Variants in TPGS2 observed in about 807,000 individuals in gnomAD.
TPGS2 encodes tubulin polyglutamylase complex subunit 2.
In TPGS2, 26 loss-of-function variants were observed where a neutral mutation model predicts 31.1. The observed-to-expected ratio is 0.84, with a 90% CI of 0.61 to 1.16. The LOEUF (loss-of-function observed/expected upper bound fraction) is 1.16, where lower values mean the gene tolerates loss of function less well. Ranked by LOEUF, TPGS2 falls within the 50% of genes most tolerant of loss-of-function variation. The pLI is 0.00. For missense variants in TPGS2, 351 were observed against 363.8 expected, an observed-to-expected ratio of 0.96 and a Z score of 0.29; for synonymous variants, 130 against 136.6, an observed-to-expected ratio of 0.95 and a Z score of 0.34.
chr18:36,799,555 C>T (rs1344738170), intron 5 of TPGS2, among the ~76,000 whole-genome samples: 3 of 152,188 alleles, frequency 2.0e-5, no homozygotes, highest in Non-Finnish European at 4.4e-5. Flanking sequence ...ATTCCTACCC[C>T]ACAGTTCAAG....
At chr18:36,825,895 G>C (rs1283417234) in intron 1 of TPGS2, among the ~76,000 whole-genome samples, 1 of 152,136 alleles carries the variant, frequency 6.6e-6, no homozygotes, top group Non-Finnish European at 1.5e-5. Flanking sequence ...GGGAGTAACA[G>C]ATTTTAACAA....
intron 1 of TPGS2, among the ~76,000 whole-genome samples, chr18:36,824,533 G>C (rs2046047477): frequency 6.6e-6 from 1 of 152,108 alleles, no homozygotes; most frequent in African/African-American, 2.4e-5. Context: ...ACCAACAATT[G>C]CTGTATCTGT....
rs377128960 is a variant in TPGS2 at position 36,823,756 on chromosome 18, G to A, written c.86-4783C>T. The stretch of plus-strand genomic sequence containing the variant: ...ATTACAGGCGTGAGCCACCGCGCCC[G>A]GCCAACAGCTTGTTTTAAAGGGCTT... On this transcript the variant is annotated intron_variant, in intron 1 of 6. Coordinates refer to ENST00000334295, the MANE Select transcript of TPGS2 (RefSeq NM_015476.4). 4.4e-5 allele frequency: 41 copies of A among 926,238 alleles called. No individual in the cohort carries two copies. The East Asian group carries it at 2.1e-3, about 48-fold the overall frequency. 57.4% of individuals were successfully genotyped at this position (926,238 alleles called of 1,614,324 possible).
intron 2 of TPGS2, among the ~76,000 whole-genome samples, chr18:36,816,117 G>C (rs1178169416): frequency 6.6e-6 from 1 of 152,298 alleles, no homozygotes; most frequent in East Asian, 1.9e-4. Flanking sequence ...TCTCCCAAAT[G>C]AATATGTCTG....
Position 36,828,708 on chromosome 18 carries a change from C to G in TPGS2, c.60G>C (p.Leu20=). The change falls in exon 1 of 7, where the codon CTG becomes CTC. Residue 20 remains leucine (L), a synonymous_variant. Coordinates refer to ENST00000334295, the MANE Select transcript of TPGS2 (RefSeq NM_015476.4). The part of the protein sequence containing the change: ...LGCSKPHLEK[L]TLGITRILES... ...CTAGGATGCGCGTGATGCCCAGGGT[C>G]AGCTTCTCCAGGTGCGGCTTGCTGC... 1 of 1,614,178 alleles carries G rather than the reference C, an allele frequency of 6.2e-7. No homozygotes were observed. The highest frequency in any genetic ancestry group is 1.1e-5 in the South Asian group (1 of 91,082).
At chr18:36,819,363 T>A (rs1168772042) in intron 1 of TPGS2, among the ~76,000 whole-genome samples, 1 of 152,204 alleles carries the variant, frequency 6.6e-6, no homozygotes, top group Non-Finnish European at 1.5e-5. Flanking sequence ...TTATAAGACA[T>A]AAAACTTGCT....
intron 6 of TPGS2, among the ~76,000 whole-genome samples, chr18:36,784,527 CCATT>C (rs1490987954): frequency 1.3e-5 from 2 of 152,204 alleles, no homozygotes; most frequent in Non-Finnish European, 2.9e-5. Context: ...TTAAAATGCA[CCATT>C]CAGTTTGTCA....
chr18:36,792,239 G>A (rs1022543524), downstream of TPGS2, among the ~76,000 whole-genome samples: 1 of 152,104 alleles, frequency 6.6e-6, no homozygotes. Flanking sequence ...ACATAAAGCA[G>A]TGTAGTGTAA....
At position 36,828,931 on chromosome 18, in the gene TPGS2, C is replaced by T; in HGVS notation, c.-164G>A. 3.1e-6 allele frequency: 3 copies of T among 982,640 alleles called. No individual in the cohort carries two copies. Among genetic ancestry groups the T allele is most frequent in the East Asian group, 5.6e-5 (2 of 35,476 alleles). The allele number at this position is 982,640 out of a possible 1,614,324, so 60.9% of individuals were successfully genotyped here. A position where few individuals can be genotyped will look rare whatever the true frequency, so the allele number is the denominator to read the frequency against. On this transcript the variant is annotated 5_prime_UTR_variant, in exon 1 of 7. Transcript: ENST00000334295. ...GGGGTTGGTCTGACAGCAGCAGCTCCGTGGGGCGCCGGTTCCCGCGGCCCC... is the reference window on the plus strand; with the variant it reads ...GGGGTTGGTCTGACAGCAGCAGCTCTGTGGGGCGCCGGTTCCCGCGGCCCC...
intron 2 of TPGS2, 102 bp from the exon 3 acceptor site, chr18:36,808,036 T>C: frequency 9.1e-7 from 1 of 1,096,738 alleles, no homozygotes. Flanking sequence ...TATACGTCCC[T>C]GAAATAGGAA....
rs2044492847 is a variant in TPGS2, at chr18:36,795,624, A to T, written c.*1181T>A. On this transcript the variant is annotated 3_prime_UTR_variant, in exon 7 of 7. Transcript: ENST00000334295. ...AACCTTCTCTGTAAAAATTTCATTA[A>T]ATGTAGTAGGTATGTCAGATTTATC... 14 of 985,442 alleles carry T rather than the reference A, an allele frequency of 1.4e-5. No homozygotes were observed. Among genetic ancestry groups the T allele is most frequent in the Non-Finnish European group, 1.7e-5 (14 of 829,932 alleles). 61.0% of individuals were successfully genotyped at this position (985,442 alleles called of 1,614,324 possible). A position where few individuals can be genotyped will look rare whatever the true frequency, so the allele number is the denominator to read the frequency against.
intron 6 of TPGS2, among the ~76,000 whole-genome samples, chr18:36,797,517 G>GT (rs113722401): frequency 2.6e-3 from 362 of 140,794 alleles, no homozygotes; most frequent in African/African-American, 3.6e-3. Flanking sequence ...GTTTCCTACT[G>GT]TTTTTTTTTT....
intron 2 of TPGS2, among the ~76,000 whole-genome samples, chr18:36,809,334 T>C (rs1272259637): frequency 6.6e-6 from 1 of 152,226 alleles, no homozygotes; most frequent in Non-Finnish European, 1.5e-5. Context: ...AGAGAAAGCT[T>C]CAAGCTTGCC....
In TPGS2 at chr18:36,802,621, C is replaced by G. The variant is rs529830924; in HGVS notation, c.383-2310G>C. Among the ~76,000 whole-genome samples the G allele has an allele frequency of 7.9e-5, 12 of 152,082 alleles. No homozygotes were observed. In the South Asian group the frequency reaches 8.3e-4, roughly 11 times the overall value. ...CTAATAACGTCACTCTTAGCTGTAC[C>G]AATGGATCTCTTTTGCTACTTTTTT... On this transcript the variant is annotated intron_variant, in intron 4 of 6. Transcript: ENST00000334295.
rs1273004234 is a variant in TPGS2, at chr18:36,796,755, G to C, written c.*50C>G. 6.4e-7 allele frequency: 1 copy of C among 1,571,420 alleles called. No homozygotes were observed. The highest frequency in any genetic ancestry group is 1.2e-5 in the South Asian group (1 of 82,808). On this transcript the variant is annotated 3_prime_UTR_variant, in exon 7 of 7. Transcript: ENST00000334295. ...GGAGGTCACCCCTAGGGCCATCTGT[G>C]CATGGAAACCACCACTCTGGAGCTG...
Position 36,795,656 on chromosome 18 carries a change from C to CAAAT in TPGS2, c.*1145_*1148dup, listed in dbSNP as rs1429276336. 1 of 985,344 alleles carries CAAAT rather than the reference C, an allele frequency of 1.0e-6. No individual in the cohort carries two copies. Among genetic ancestry groups the CAAAT allele is most frequent in the Non-Finnish European group, 1.2e-6 (1 of 829,948 alleles). 61.0% of individuals were successfully genotyped at this position (985,344 alleles called of 1,614,324 possible). On this transcript the variant is annotated 3_prime_UTR_variant, in exon 7 of 7. Transcript: ENST00000334295. ...TAGGTATGTCAGATTTATCTTGTGT[C>CAAAT]AAATATTAAGCATATGTGGGCTAGA...
intron 2 of TPGS2, among the ~76,000 whole-genome samples, chr18:36,809,391 C>T (rs2045314816): frequency 6.6e-6 from 1 of 152,180 alleles, no homozygotes; most frequent in African/African-American, 2.4e-5. Context: ...CAACAGCTGT[C>T]ATTTTAATGA....
chr18:36,780,043 A>G (rs1379012478), downstream of TPGS2: 1 of 820,178 alleles, frequency 1.2e-6, no homozygotes, highest in Non-Finnish European at 1.6e-6. Flanking sequence ...CTAAATAAAT[A>G]GAGTTTAATG....
chr18:36,828,905 C>A lies in TPGS2; in HGVS notation c.-138G>T. On this transcript the variant is annotated 5_prime_UTR_variant, in exon 1 of 7. Coordinates refer to ENST00000334295, the MANE Select transcript of TPGS2 (RefSeq NM_015476.4). ...GCGCGGCGCAGTGATGATGGGGGCC[C>A]GGGGTTGGTCTGACAGCAGCAGCTC... The A allele has an allele frequency of 8.9e-7, 1 of 1,118,972 alleles. No homozygotes were observed. The allele number at this position is 1,118,972 out of a possible 1,614,324, so 69.3% of individuals were successfully genotyped here.
Sources: gnomAD v4.1 joint callset for allele counts (sites outside exome capture counted in the v4.1 genomes callset) on GRCh38, gnomAD v4.1.1 for gene constraint, MANE v1.5 for transcripts, NCBI Gene and HGNC (gene_info 2026-07-23, HGNC 2026-07-21) for gene names.